COL24A1: variants seen among roughly 807,000 people sequenced by gnomAD.
The protein encoded by COL24A1 is collagen type XXIV alpha 1 chain, also known as collagen alpha-1(XXIV) chain.
In COL24A1, 224 loss-of-function variants were observed where a neutral mutation model predicts 253.9. The observed-to-expected ratio is 0.88, with a 90% CI of 0.79 to 0.99. COL24A1 has a LOEUF of 0.99. COL24A1 is among the 50% of genes least tolerant of loss of function. The pLI is 0.00. For synonymous variants in COL24A1, 685 were observed against 673.7 expected, an observed-to-expected ratio of 1.02 and a Z score of -0.26; for missense variants, 2,131 against 2,068.5, an observed-to-expected ratio of 1.03 and a Z score of -0.59.
intron 24 of COL24A1, among the ~76,000 whole-genome samples, chr1:85,941,918 T>C (rs1486072134): frequency 2.0e-5 from 3 of 152,214 alleles, no homozygotes; most frequent in East Asian, 1.9e-4. Context: ...ACTGGGCACA[T>C]AGTAGGTGTT....
chr1:85,766,391 G>GAAAAAAAAAAAAAAAAAAAAAAAA (rs1667379547), intron 53 of COL24A1, among the ~76,000 whole-genome samples: 2 of 36,984 alleles, frequency 5.4e-5, no homozygotes, highest in Non-Finnish European at 1.4e-4. Flanking sequence ...AAAAAAAAAA[G>GAAAAAAAAAAAAAAAAAAAAAAAA]AAAGAAAGAA....
chr1:85,944,312 A>G (rs1424047670), intron 24 of COL24A1, among the ~76,000 whole-genome samples: 2 of 152,176 alleles, frequency 1.3e-5, no homozygotes, highest in African/African-American at 4.8e-5. Flanking sequence ...CTTATAACTG[A>G]TATGCAACTG....
chr1:85,781,570 T>A (rs1056637003), intron 51 of COL24A1, among the ~76,000 whole-genome samples: 2 of 152,170 alleles, frequency 1.3e-5, no homozygotes, highest in African/African-American at 2.4e-5. Context: ...TTTACATGTA[T>A]GTTATATAAC....
intron 1 of COL24A1, among the ~76,000 whole-genome samples, chr1:86,148,985 A>G (rs1652343292): frequency 1.3e-5 from 2 of 152,022 alleles, no homozygotes; most frequent in African/African-American, 4.8e-5. Flanking sequence ...AAGTGTTCCT[A>G]TTTCTCCACA....
At chr1:85,970,544 A>T (rs1313181531) in intron 21 of COL24A1, among the ~76,000 whole-genome samples, 1 of 152,096 alleles carries the variant, frequency 6.6e-6, no homozygotes, top group Non-Finnish European at 1.5e-5. Flanking sequence ...TTTATTCATA[A>T]TTCTCTAAAA....
rs7546405 is a variant in COL24A1 at position 86,128,535 on chromosome 1, C to T, written c.122-2321G>A. 8.9e-3 allele frequency among the ~76,000 whole-genome samples: 1,356 copies of T among 151,978 alleles called. 14 individuals are homozygous for T. The highest frequency in any genetic ancestry group is 0.031 in the African/African-American group (1,295 of 41,512). On this transcript the variant is annotated intron_variant, in intron 2 of 59. Transcript: ENST00000370571. The stretch of plus-strand genomic sequence containing the variant: ...GGTATATCAAGGGCTGCACGCTGCC[C>T]CAAGAACATCTCCCCTTGCATTTAT...
intron 3 of COL24A1, among the ~76,000 whole-genome samples, chr1:86,123,047 G>GCT (rs1647625670): frequency 6.6e-6 from 1 of 151,972 alleles, no homozygotes; most frequent in South Asian, 2.1e-4. Flanking sequence ...TTGTGGGAAA[G>GCT]TAAATTAACT....
chr1:85,921,646 C>T (rs1192460119), intron 24 of COL24A1, among the ~76,000 whole-genome samples: 2 of 152,178 alleles, frequency 1.3e-5, no homozygotes, highest in African/African-American at 2.4e-5. Flanking sequence ...AGGACATCCA[C>T]ACAAAAACCC....
chr1:86,083,319 T>C (rs1702813111), intron 7 of COL24A1, among the ~76,000 whole-genome samples: 1 of 150,024 alleles, frequency 6.7e-6, no homozygotes, highest in Non-Finnish European at 1.5e-5. Flanking sequence ...TATATATAAA[T>C]AAATAACCTA....
At chr1:86,137,251 G>A (rs1286031573) in intron 2 of COL24A1, among the ~76,000 whole-genome samples, 1 of 152,072 alleles carries the variant, frequency 6.6e-6, no homozygotes, top group Admixed American at 6.6e-5. Flanking sequence ...GAATATTAAT[G>A]ATCAACCCAG....
chr1:85,917,778 C>T (rs944315952), intron 24 of COL24A1, among the ~76,000 whole-genome samples: 3 of 152,096 alleles, frequency 2.0e-5, no homozygotes, highest in Non-Finnish European at 4.4e-5. Context: ...GTAACCTTTG[C>T]CTCCCAGGTT....
At chr1:85,772,456 G>A (rs965968901) in intron 53 of COL24A1, among the ~76,000 whole-genome samples, 5 of 151,896 alleles carry the variant, frequency 3.3e-5, no homozygotes, top group African/African-American at 1.2e-4. Context: ...CCCATTACTG[G>A]GTATATACCC....
chr1:86,049,909 G>A (rs914079707), intron 11 of COL24A1, among the ~76,000 whole-genome samples: 1 of 151,912 alleles, frequency 6.6e-6, no homozygotes, highest in African/African-American at 2.4e-5. Flanking sequence ...TGAACTTAAA[G>A]TACAATTATA....
intron 47 of COL24A1, among the ~76,000 whole-genome samples, chr1:85,797,123 C>T (rs1053919168): frequency 7.9e-5 from 11 of 139,910 alleles, no homozygotes; most frequent in African/African-American, 1.3e-4. Context: ...AGGAGAATGG[C>T]GTGAATCTGG....
At chr1:85,883,473 G>A (rs543522265) in intron 32 of COL24A1, among the ~76,000 whole-genome samples, 1 of 151,704 alleles carries the variant, frequency 6.6e-6, no homozygotes, top group South Asian at 2.1e-4. Flanking sequence ...TACCTGCCTC[G>A]GCCTCCTAAA....
chr1:86,133,318 C>CT (rs1649607595), intron 2 of COL24A1, among the ~76,000 whole-genome samples: 1 of 152,120 alleles, frequency 6.6e-6, no homozygotes, highest in Admixed American at 6.6e-5. Context: ...TTGACTTCCT[C>CT]TTTTCCTAAT....
At chr1:85,874,800 C>CCGTA (rs1680945605) in intron 34 of COL24A1, 98 bp from the exon 35 acceptor site, 1 of 1,323,632 alleles carries the variant, frequency 7.6e-7, no homozygotes, top group African/African-American at 1.5e-5. Context: ...AACGCCTGGG[C>CCGTA]CGTAGAGGGT....
intron 14 of COL24A1, among the ~76,000 whole-genome samples, chr1:86,026,502 T>C (rs1018912267): frequency 2.0e-5 from 3 of 152,190 alleles, no homozygotes; most frequent in African/African-American, 7.2e-5. Flanking sequence ...TTTCCCTTGT[T>C]GCACTCACTC....
intron 43 of COL24A1, among the ~76,000 whole-genome samples, chr1:85,834,034 T>G (rs1675698414): frequency 6.6e-6 from 1 of 151,166 alleles, no homozygotes; most frequent in African/African-American, 2.4e-5. Flanking sequence ...AGTTAATGGG[T>G]GCAGCACACC....
Sources: allele counts gnomAD v4.1 joint callset (sites outside exome capture counted in the v4.1 genomes callset), GRCh38; gene constraint gnomAD v4.1.1; transcripts MANE v1.5; gene names NCBI Gene and HGNC (gene_info 2026-07-23, HGNC 2026-07-21).